C1orf116: variants seen among roughly 807,000 people sequenced by gnomAD.
C1orf116 encodes chromosome 1 open reading frame 116, also known as specifically androgen-regulated gene protein.
In C1orf116, 12 loss-of-function variants were observed where a neutral mutation model predicts 14.1. The observed-to-expected ratio is 0.85, with a 90% CI of 0.54 to 1.38. The LOEUF (loss-of-function observed/expected upper bound fraction) is 1.38. Among genes scored for constraint, C1orf116 ranks in the 40% most tolerant of loss-of-function variants. C1orf116 has a pLI of 0.00. For missense variants in C1orf116, 797 were observed against 747.0 expected, an observed-to-expected ratio of 1.07 and a Z score of -0.78; for synonymous variants, 296 against 299.0, an observed-to-expected ratio of 0.99 and a Z score of 0.10.
In C1orf116 at chr1:207,021,015, G is replaced by T; in HGVS notation, c.*943C>A. 1 of 152,298 alleles carries T rather than the reference G, an allele frequency of 6.6e-6. No individual in the cohort carries two copies. The highest frequency in any genetic ancestry group is 1.5e-5 in the Non-Finnish European group (1 of 68,024). The allele number at this position is 152,298 out of a possible 1,614,324, so 9.4% of individuals were successfully genotyped here. On this transcript the variant is annotated 3_prime_UTR_variant, in exon 4 of 4. Transcript: ENST00000359470. Reference sequence around the variant, plus strand: ...GTGTGGGTTTTCTATCACTGGAACTGAGAAAAATTTAAAACTACCTGCATC... The same window carrying T: ...GTGTGGGTTTTCTATCACTGGAACTTAGAAAAATTTAAAACTACCTGCATC...
At chr1:207,028,505 A>T (rs749142244) in intron 1 of C1orf116, among the ~76,000 whole-genome samples, 3 of 152,246 alleles carry the variant, frequency 2.0e-5, no homozygotes, top group African/African-American at 7.2e-5. Flanking sequence ...AGTGGTTGAC[A>T]CAAACCTATT....
Position 207,020,830 on chromosome 1 carries a change from G to A in C1orf116, c.*1128C>T, listed in dbSNP as rs1175562737. 6.6e-6 allele frequency: 1 copy of A among 152,126 alleles called. No individual in the cohort carries two copies. Among genetic ancestry groups the A allele is most frequent in the Non-Finnish European group, 1.5e-5 (1 of 68,034 alleles). The allele number at this position is 152,126 out of a possible 1,614,324, so 9.4% of individuals were successfully genotyped here. ...GATGTACAAGAGCACTGGCTAAGGA[G>A]AGGTGGCAGCATGCAACAAGGGTAA... On this transcript the variant is annotated 3_prime_UTR_variant, in exon 4 of 4. Transcript: ENST00000359470.
chr1:207,025,102 G>A (rs1386210960), intron 2 of C1orf116, 38 bp from the exon 3 acceptor site: 7 of 946,666 alleles, frequency 7.4e-6, no homozygotes, highest in South Asian at 3.1e-5. Context: ...GCGGGGAGGC[G>A]GGGGGGAGGG....
Position 207,024,874 on chromosome 1 carries a change from G to A in C1orf116, c.283+13C>T. 2 of 1,606,042 alleles carry A rather than the reference G, an allele frequency of 1.2e-6. No homozygotes were observed. Among genetic ancestry groups the A allele is most frequent in the Admixed American group, 1.7e-5 (1 of 59,900 alleles). ...GGTTTTGCTGGGGTTCCACCCCAGA[G>A]GGTCTGCCTTACCCCGGGGAGTGGG... On this transcript the variant is annotated intron_variant, in intron 3 of 3. Coordinates refer to ENST00000359470, the MANE Select transcript of C1orf116 (RefSeq NM_023938.6).
Position 207,022,117 on chromosome 1 carries a change from G to T in C1orf116, c.1647C>A (p.Asp549Glu), listed in dbSNP as rs751643739. Residue 549 changes from aspartate to glutamate, a missense_variant, in exon 4 of 4, where the codon GAC (aspartate) becomes GAA (glutamate). Coordinates refer to ENST00000359470, the MANE Select transcript of C1orf116 (RefSeq NM_023938.6). ...FAGIQVGKLA[D>E]LEQEQSSKRL... The stretch of plus-strand genomic sequence containing the variant: ...GCTTGGAGCTCTGCTCCTGCTCCAG[G>T]TCAGCCAGCTTGCCTACCTGGATAC... 6.2e-7 allele frequency: 1 copy of T among 1,612,810 alleles called. No individual in the cohort carries two copies.
At chr1:207,026,954 A>G (rs965230099) in intron 2 of C1orf116, among the ~76,000 whole-genome samples, 2 of 152,290 alleles carry the variant, frequency 1.3e-5, no homozygotes. Context: ...ACTCCCCACA[A>G]ATTGAATTGG....
chr1:207,031,629 C>A (rs1682248176), intron 1 of C1orf116, among the ~76,000 whole-genome samples: 1 of 152,226 alleles, frequency 6.6e-6, no homozygotes, highest in South Asian at 2.1e-4. Context: ...GGAGAGGCAA[C>A]TTGCTACTCT....
intron 2 of C1orf116, among the ~76,000 whole-genome samples, chr1:207,027,027 T>A (rs57033547): frequency 0.062 from 9,413 of 152,264 alleles, 909 homozygotes; most frequent in African/African-American, 0.21. Flanking sequence ...AATTAAGTAA[T>A]TTGCCCAAGG....
chr1:207,024,809 C>A, intron 3 of C1orf116, 78 bp downstream of exon 3: 1 of 1,521,168 alleles, frequency 6.6e-7, no homozygotes, highest in Non-Finnish European at 9.0e-7. Flanking sequence ...AGAGGGCAGG[C>A]GAGGTAGAAA....
Position 207,032,683 on chromosome 1 carries a change from C to T in C1orf116, c.-186G>A. On this transcript the variant is annotated 5_prime_UTR_variant, in exon 1 of 4. Transcript: ENST00000359470. ...CCCCTGCCTCCTACTGTTTTCTTCT[C>T]CTTTTGAGCTCCTCCTGACTTACCT... 1.0e-6 allele frequency: 1 copy of T among 985,478 alleles called. No homozygotes were observed. The highest frequency in any genetic ancestry group is 1.2e-6 in the Non-Finnish European group (1 of 829,976). The allele number at this position is 985,478 out of a possible 1,614,324, so 61.0% of individuals were successfully genotyped here. A position where few individuals can be genotyped will look rare whatever the true frequency, so the allele number is the denominator to read the frequency against.
intron 3 of C1orf116, 96 bp from the exon 4 acceptor site, chr1:207,023,576 C>A (rs1681960418): frequency 2.8e-6 from 4 of 1,453,870 alleles, no homozygotes; most frequent in Admixed American, 2.6e-5. Flanking sequence ...ACTTCCTGAA[C>A]TCTGATCCCA....
intron 2 of C1orf116, among the ~76,000 whole-genome samples, chr1:207,026,989 G>A (rs1682097733): frequency 1.3e-5 from 2 of 152,218 alleles, no homozygotes; most frequent in South Asian, 4.1e-4. Flanking sequence ...TATCCCATTT[G>A]AAAACTGAGG....
At chr1:207,031,353 G>C (rs1558047996) in intron 1 of C1orf116, among the ~76,000 whole-genome samples, 1 of 152,200 alleles carries the variant, frequency 6.6e-6, no homozygotes, top group Non-Finnish European at 1.5e-5. Context: ...AGCTTTGTTA[G>C]ACACTGCCAG....
Position 207,032,680 on chromosome 1 carries a change from TCTC to T in C1orf116, c.-186_-184del, listed in dbSNP as rs1294260305. 1.0e-6 allele frequency: 1 copy of T among 985,476 alleles called. No homozygotes were observed. The highest frequency in any genetic ancestry group is 1.2e-6 in the Non-Finnish European group (1 of 829,980). The allele number at this position is 985,476 out of a possible 1,614,324, so 61.0% of individuals were successfully genotyped here. ...CTTCCCCTGCCTCCTACTGTTTTCTTCTCCTTTTGAGCTCCTCCTGACTTACCT... is the reference window on the plus strand; with the variant it reads ...CTTCCCCTGCCTCCTACTGTTTTCTTCTTTTGAGCTCCTCCTGACTTACCT... On this transcript the variant is annotated 5_prime_UTR_variant, in exon 1 of 4. Coordinates refer to ENST00000359470, the MANE Select transcript of C1orf116 (RefSeq NM_023938.6).
intron 2 of C1orf116, 58 bp downstream of exon 2, chr1:207,027,436 A>C: frequency 6.2e-7 from 1 of 1,600,616 alleles, no homozygotes; most frequent in Non-Finnish European, 8.5e-7. Flanking sequence ...AGGGCAGGGC[A>C]GGGCAGGGCA....
intron 1 of C1orf116, among the ~76,000 whole-genome samples, chr1:207,031,823 G>A (rs561862842): frequency 4.6e-5 from 7 of 152,312 alleles, no homozygotes; most frequent in African/African-American, 1.2e-4. Context: ...ATGCAGCCAC[G>A]AAATATTCAT....
At chr1:207,024,573 T>TG (rs901798023) in intron 3 of C1orf116, among the ~76,000 whole-genome samples, 4 of 152,240 alleles carry the variant, frequency 2.6e-5, no homozygotes, top group African/African-American at 9.6e-5. Context: ...CAGCCCTCCC[T>TG]GACTCCCTCC....
At chr1:207,029,864 G>A (rs1447419485) in intron 1 of C1orf116, among the ~76,000 whole-genome samples, 1 of 152,066 alleles carries the variant, frequency 6.6e-6, no homozygotes, top group Non-Finnish European at 1.5e-5. Context: ...TGTAAAATCA[G>A]GGCAGTAAAT....
In C1orf116 at chr1:207,031,455, A is replaced by T. The variant is rs188565630; in HGVS notation, c.-82+1124T>A. Among the ~76,000 whole-genome samples, 604 of 152,244 alleles carry T rather than the reference A, an allele frequency of 4.0e-3. 3 individuals are homozygous for T. The highest frequency in any genetic ancestry group is 5.9e-3 in the Non-Finnish European group (399 of 68,014). On this transcript the variant is annotated intron_variant, in intron 1 of 3. Coordinates refer to ENST00000359470, the MANE Select transcript of C1orf116 (RefSeq NM_023938.6). Reference sequence around the variant, plus strand: ...GTGGTGTGAGGTGAGCTCAAGCCTAAATCTCCAGTTGCCAGGACTGGAAAA... The same window carrying T: ...GTGGTGTGAGGTGAGCTCAAGCCTATATCTCCAGTTGCCAGGACTGGAAAA...
Sources: gnomAD v4.1 joint callset for allele counts (sites outside exome capture counted in the v4.1 genomes callset) on GRCh38, gnomAD v4.1.1 for gene constraint, MANE v1.5 for transcripts, NCBI Gene and HGNC (gene_info 2026-07-23, HGNC 2026-07-21) for gene names.